Variants in SLC8A3 observed in about 807,000 individuals in gnomAD.
The protein encoded by SLC8A3 is solute carrier family 8 member A3, also known as sodium/calcium exchanger 3.
A neutral mutation model predicts 65.4 loss-of-function variants in SLC8A3; 37 were observed. That is an observed-to-expected ratio of 0.57 (90% CI 0.44 to 0.74). The LOEUF (loss-of-function observed/expected upper bound fraction) is 0.74, where lower values mean the gene tolerates loss of function less well. Ranked by LOEUF, SLC8A3 falls within the 30% of genes least tolerant of loss-of-function variation. The pLI is 0.00. For missense variants in SLC8A3, 1,112 were observed against 1,172.1 expected, an observed-to-expected ratio of 0.95 and a Z score of 0.75; for synonymous variants, 461 against 444.5, an observed-to-expected ratio of 1.04 and a Z score of -0.47.
intron 2 of SLC8A3, among the ~76,000 whole-genome samples, chr14:70,097,794 T>C (rs939809344): frequency 1.2e-4 from 18 of 151,992 alleles, no homozygotes; most frequent in African/African-American, 3.9e-4. Flanking sequence ...CTCTTTAAAG[T>C]ACAGGGGCAG....
rs771488103 is a variant in SLC8A3, at chr14:70,080,130, G to C, written c.1785-19191C>G. On this transcript the variant is annotated intron_variant, in intron 2 of 6. Transcript: ENST00000356921. ...CTTCCTTTGACTTATCCACCCTCCT[G>C]GCTGCCAGTTATCGTCTGGATGCCT... The C allele has an allele frequency of 8.1e-6, 8 of 985,338 alleles. No individual in the cohort carries two copies. In the African/African-American group the frequency reaches 1.4e-4, roughly 17 times the overall value. The allele number at this position is 985,338 out of a possible 1,614,324, so 61.0% of individuals were successfully genotyped here. A position where few individuals can be genotyped will look rare whatever the true frequency, so the allele number is the denominator to read the frequency against.
chr14:70,070,488 G>T (rs1039684234), intron 2 of SLC8A3, among the ~76,000 whole-genome samples: 3 of 152,146 alleles, frequency 2.0e-5, no homozygotes, highest in African/African-American at 7.2e-5. Context: ...AAACAGTGTG[G>T]CTCTAAAGAT....
intron 2 of SLC8A3, among the ~76,000 whole-genome samples, chr14:70,152,940 G>C (rs1330989530): frequency 6.6e-6 from 1 of 152,200 alleles, no homozygotes; most frequent in Non-Finnish European, 1.5e-5. Flanking sequence ...TGTCTCCTGA[G>C]CATCAAAGGC....
intron 1 of SLC8A3, chr14:70,187,081 C>T (rs968959609): frequency 2.0e-5 from 3 of 152,412 alleles, no homozygotes; most frequent in African/African-American, 7.2e-5. Context: ...CACATTCCAC[C>T]CCCGCTCAAC....
chr14:70,096,883 G>A, intron 2 of SLC8A3, among the ~76,000 whole-genome samples: 1 of 152,168 alleles, frequency 6.6e-6, no homozygotes, highest in East Asian at 1.9e-4. Flanking sequence ...TTGAAGAGGG[G>A]CAGGTCAACA....
In SLC8A3 at chr14:70,066,487, C is replaced by T. The variant is rs548652161; in HGVS notation, c.1785-5548G>A. 2.4e-3 allele frequency among the ~76,000 whole-genome samples: 367 copies of T among 152,248 alleles called. 2 individuals carry two copies. The highest frequency in any genetic ancestry group is 6.4e-3 in the African/African-American group (266 of 41,542). On this transcript the variant is annotated intron_variant, in intron 2 of 6. Coordinates refer to ENST00000356921, the MANE Select transcript of SLC8A3 (RefSeq NM_182932.3). The stretch of plus-strand genomic sequence containing the variant: ...CCCAGCACAGTTAATTTACTACCCC[C>T]CTTCCTTCTGCCTTTAAGACCCAGA...
chr14:70,052,375 G>A (rs1258098278), intron 3 of SLC8A3, among the ~76,000 whole-genome samples: 1 of 152,176 alleles, frequency 6.6e-6, no homozygotes, highest in Non-Finnish European at 1.5e-5. Flanking sequence ...CATCTCCTGA[G>A]AAATAGCATC....
chr14:70,049,647 G>A (rs1161425339), intron 5 of SLC8A3, among the ~76,000 whole-genome samples: 1 of 151,850 alleles, frequency 6.6e-6, no homozygotes, highest in Admixed American at 6.6e-5. Context: ...AAAAAAGAAA[G>A]GAGAATGCAC....
At chr14:70,073,798 T>C (rs1180741303) in intron 2 of SLC8A3, among the ~76,000 whole-genome samples, 1 of 152,140 alleles carries the variant, frequency 6.6e-6, no homozygotes, top group African/African-American at 2.4e-5. Flanking sequence ...CTTCTAATAA[T>C]TAGGAAGAGA....
intron 2 of SLC8A3, among the ~76,000 whole-genome samples, chr14:70,084,402 T>C (rs1891275611): frequency 6.6e-6 from 1 of 152,196 alleles, no homozygotes; most frequent in Non-Finnish European, 1.5e-5. Flanking sequence ...AGGATAGAAA[T>C]CCTGTGAGCG....
At chr14:70,056,091 G>A (rs1482039167) in intron 3 of SLC8A3, among the ~76,000 whole-genome samples, 1 of 152,204 alleles carries the variant, frequency 6.6e-6, no homozygotes, top group African/African-American at 2.4e-5. Flanking sequence ...GGCTAGGAAT[G>A]GAGGAATGAG....
intron 3 of SLC8A3, 31 bp downstream of exon 3, chr14:70,060,805 T>G: frequency 1.8e-6 from 2 of 1,082,048 alleles, no homozygotes; most frequent in Non-Finnish European, 2.8e-6. Context: ...TTTCTTTTTT[T>G]TTGTTGTTTT....
chr14:70,167,941 A>G lies in SLC8A3; in HGVS notation c.482T>C (p.Ile161Thr), dbSNP rs1897275935. The change falls in exon 2 of 7, where the codon ATT (isoleucine) becomes ACT (threonine). Residue 161 changes from isoleucine to threonine, a missense_variant. Transcript: ENST00000356921. The part of the protein sequence containing the change: ...SLIEVCGHGF[I>T]AGDLGPSTIV... ...GGTAGAAGGTCCCAGATCACCAGCAATGAACCCATGACCACACACCTCAAT... is the reference window on the plus strand; with the variant it reads ...GGTAGAAGGTCCCAGATCACCAGCAGTGAACCCATGACCACACACCTCAAT... 6.2e-7 allele frequency: 1 copy of G among 1,614,050 alleles called. No individual in the cohort carries two copies. Among genetic ancestry groups the G allele is most frequent in the Non-Finnish European group, 8.5e-7 (1 of 1,180,026 alleles).
chr14:70,162,423 G>C (rs961665990), intron 2 of SLC8A3, among the ~76,000 whole-genome samples: 1 of 152,018 alleles, frequency 6.6e-6, no homozygotes, highest in African/African-American at 2.4e-5. Flanking sequence ...AGATACCTTC[G>C]AGCTTTAACA....
intron 2 of SLC8A3, among the ~76,000 whole-genome samples, chr14:70,101,307 C>T (rs1892535200): frequency 6.6e-6 from 1 of 151,980 alleles, no homozygotes; most frequent in Non-Finnish European, 1.5e-5. Flanking sequence ...GAATGGCCAT[C>T]CTTAGGAAAT....
At chr14:70,181,000 G>C (rs1232299476) in intron 1 of SLC8A3, among the ~76,000 whole-genome samples, 1 of 152,186 alleles carries the variant, frequency 6.6e-6, no homozygotes, top group Non-Finnish European at 1.5e-5. Context: ...GAAAGATACA[G>C]TCAGCACTAA....
intron 3 of SLC8A3, among the ~76,000 whole-genome samples, chr14:70,058,914 A>G (rs1594904747): frequency 6.6e-6 from 1 of 152,180 alleles, no homozygotes; most frequent in African/African-American, 2.4e-5. Flanking sequence ...GCTTCCAACC[A>G]ATTATGAATA....
rs757943682 is a variant in SLC8A3 at position 70,048,804 on chromosome 14, T to A, written c.2352A>T (p.Thr784=). The change falls in exon 6 of 7, where the codon ACA becomes ACT. Residue 784 remains threonine (T), a synonymous_variant. Coordinates refer to ENST00000356921, the MANE Select transcript of SLC8A3 (RefSeq NM_182932.3). ...TGCCAAATGCCACGAAAACAACAGCTGTGACTGAATCTTTGAGACCAATGG... is the reference window on the plus strand; with the variant it reads ...TGCCAAATGCCACGAAAACAACAGCAGTGACTGAATCTTTGAGACCAATGG... ...GCTIGLKDSV[T]AVVFVAFGTS... is the part of the protein sequence containing the mutation. The A allele has an allele frequency of 1.2e-6, 2 of 1,614,102 alleles. No individual in the cohort carries two copies. Among genetic ancestry groups the A allele is most frequent in the Non-Finnish European group, 8.5e-7 (1 of 1,179,994 alleles).
At chr14:70,060,124 C>A (rs2125745) in intron 3 of SLC8A3, 13,590 of 153,336 alleles carry the variant, frequency 0.089, 647 homozygotes, top group Non-Finnish European at 0.12. Flanking sequence ...TGGCTTCTGA[C>A]AATTGGTACA....
Sources: gnomAD v4.1 joint callset for allele counts (sites outside exome capture counted in the v4.1 genomes callset) on GRCh38, gnomAD v4.1.1 for gene constraint, MANE v1.5 for transcripts, NCBI Gene and HGNC (gene_info 2026-07-23, HGNC 2026-07-21) for gene names.